The following CLCA1 variants were observed in gnomAD, a reference collection of about 807,000 sequenced individuals.
CLCA1 encodes calcium-activated chloride channel regulator 1.
CLCA1 carries 59 observed loss-of-function variants against 85.6 expected under a neutral mutation model. The observed-to-expected ratio is 0.69, with a 90% CI of 0.56 to 0.86. The LOEUF is 0.86. CLCA1 is among the 40% of genes least tolerant of loss of function. CLCA1 has a pLI of 0.00. For synonymous variants in CLCA1, 396 were observed against 398.3 expected (o/e 0.99, Z 0.07); for missense variants, 1,022 against 1,101.4 (o/e 0.93, Z 1.02).
In CLCA1 at chr1:86,495,657, C is replaced by T. The variant is rs1570291654; in HGVS notation, c.2095C>T (p.Pro699Ser). 6.2e-6 allele frequency: 10 copies of T among 1,609,614 alleles called. No individual in the cohort carries two copies. The highest frequency in any genetic ancestry group is 1.7e-4 in the Middle Eastern group (1 of 6,042). Residue 699 changes from proline (P) to serine (S), a missense_variant, in exon 12 of 14, where the codon CCT becomes TCT. Physicochemically the swap from Pro to Ser is moderately conservative, Grantham distance 74. Transcript: ENST00000394711. Reference protein sequence around the residue: ...IPQQSGALYIPGWIENDEIQW... With the variant: ...IPQQSGALYISGWIENDEIQW... Reference sequence around the variant, plus strand: ...CCAGCAGAGTGGAGCACTGTACATACCTGGCTGGATTGAGAATGGTAAGTA... The same window carrying T: ...CCAGCAGAGTGGAGCACTGTACATATCTGGCTGGATTGAGAATGGTAAGTA...
intron 3 of CLCA1, 77 bp downstream of exon 3, chr1:86,473,953 T>C (rs1647570443): frequency 1.8e-6 from 2 of 1,096,834 alleles, no homozygotes; most frequent in African/African-American, 3.1e-5. Flanking sequence ...AGCATTATCT[T>C]TGTGAGTAAG....
chr1:86,480,853 T>C (rs923665964), intron 4 of CLCA1, among the ~76,000 whole-genome samples: 1 of 152,168 alleles, frequency 6.6e-6, no homozygotes, highest in African/African-American at 2.4e-5. Flanking sequence ...AAAAAAGTCT[T>C]GATCCTGTGA....
At chr1:86,473,598 T>G (rs1369590426) in intron 2 of CLCA1, 41 bp downstream of exon 2, 1 of 1,527,550 alleles carries the variant, frequency 6.5e-7, no homozygotes, top group African/African-American at 1.4e-5. Context: ...CACTTTCTCC[T>G]GTAACCAAGA....
chr1:86,475,584 C>T (rs966539012), intron 3 of CLCA1, among the ~76,000 whole-genome samples: 2 of 152,066 alleles, frequency 1.3e-5, no homozygotes, highest in Non-Finnish European at 2.9e-5. Context: ...GAAATGCAAA[C>T]GCGGAGTACT....
At chr1:86,495,825 T>G (rs1443532027) in intron 12 of CLCA1, 150 bp downstream of exon 12, 2 of 701,000 alleles carry the variant, frequency 2.9e-6, no homozygotes, top group East Asian at 5.5e-5. Context: ...AATCCTTTGT[T>G]GTGGAGGGCT....
chr1:86,480,448 C>A lies in CLCA1; in HGVS notation c.558-1757C>A, dbSNP rs532031299. 1.3e-3 allele frequency among the ~76,000 whole-genome samples: 193 copies of A among 151,850 alleles called. 2 individuals carry two copies. Reference sequence around the variant, plus strand: ...GACCAGCCTGGGCAACATGGTGAAACCCCTTCTCTACAAAAAATACAAAAA... The same window carrying A: ...GACCAGCCTGGGCAACATGGTGAAAACCCTTCTCTACAAAAAATACAAAAA... On this transcript the variant is annotated intron_variant, in intron 4 of 13. Transcript: ENST00000394711.
chr1:86,479,899 C>G (rs4656116), intron 4 of CLCA1, among the ~76,000 whole-genome samples: 32,440 of 151,900 alleles, frequency 0.21, 3,710 homozygotes, highest in East Asian at 0.4. Context: ...AACAAACAAA[C>G]AAACAAACAA....
intron 1 of CLCA1, among the ~76,000 whole-genome samples, chr1:86,471,468 A>T (rs1313490385): frequency 2.6e-5 from 4 of 152,204 alleles, no homozygotes; most frequent in Non-Finnish European, 5.9e-5. Flanking sequence ...AAAATCTGAA[A>T]CAGATGCCAA....
At position 86,486,501 on chromosome 1, in the gene CLCA1, GT is replaced by G. The variant is rs770839982; in HGVS notation, c.955-20del. On this transcript the variant is annotated intron_variant, in intron 6 of 13. Transcript: ENST00000394711. ...TAGTCTTTCCATCTAAACGTAACCT[GT>G]TTTTCTTTTGCTTCTCCATTTAGAC... 9.3e-6 allele frequency: 15 copies of G among 1,608,398 alleles called. No individual in the cohort carries two copies. The South Asian group carries it at 1.5e-4, about 17-fold the overall frequency.
In CLCA1 at chr1:86,469,116, C is replaced by A. The variant is rs2101724512; in HGVS notation, c.145C>A (p.Leu49Ile). ...IDPNVPEDET[L>I]IQQIKDMVTQ... is the part of the protein sequence containing the mutation. Reference sequence around the variant, plus strand: ...CCCCAATGTGCCAGAAGATGAAACACTCATTCAACAAATAAAGGTAAGTTC... The same window carrying A: ...CCCCAATGTGCCAGAAGATGAAACAATCATTCAACAAATAAAGGTAAGTTC... Residue 49 changes from leucine to isoleucine, a missense_variant, in exon 1 of 14, where the codon CTC becomes ATC. Transcript: ENST00000394711. 6.2e-7 allele frequency: 1 copy of A among 1,604,922 alleles called. No individual in the cohort carries two copies. Among genetic ancestry groups the A allele is most frequent in the East Asian group, 2.2e-5 (1 of 44,660 alleles).
intron 3 of CLCA1, among the ~76,000 whole-genome samples, chr1:86,475,176 A>G (rs1647609389): frequency 6.6e-6 from 1 of 152,202 alleles, no homozygotes; most frequent in Non-Finnish European, 1.5e-5. Flanking sequence ...TCATGATCAT[A>G]TATAAAACCA....
At chr1:86,494,587 A>C in intron 11 of CLCA1, 139 bp downstream of exon 11, 1 of 841,452 alleles carries the variant, frequency 1.2e-6, no homozygotes, top group Non-Finnish European at 1.8e-6. Flanking sequence ...AGAGTTCTCC[A>C]TTTCCCCACA....
chr1:86,471,738 T>C (rs1166735145), intron 1 of CLCA1, among the ~76,000 whole-genome samples: 4 of 152,106 alleles, frequency 2.6e-5, no homozygotes, highest in Admixed American at 6.6e-5. Flanking sequence ...AAGGAGAAAA[T>C]GTAAATCATT....
intron 1 of CLCA1, 77 bp downstream of exon 1, chr1:86,469,210 C>T: frequency 1.0e-6 from 1 of 992,916 alleles, no homozygotes; most frequent in Non-Finnish European, 1.5e-6. Flanking sequence ...GTGCCCTATT[C>T]CAGCTGCACG....
rs1648350853 is a variant in CLCA1 at position 86,498,187 on chromosome 1, GAT to G, written c.2114-384_2114-383del. 7.8e-5 allele frequency among the ~76,000 whole-genome samples: 6 copies of G among 76,688 alleles called. No homozygotes were observed. The South Asian group carries it at 1.2e-3, about 15-fold the overall frequency. The allele number at this position is 76,688 out of a possible 152,430, so 50.3% of individuals were successfully genotyped here. A position where few individuals can be genotyped will look rare whatever the true frequency, so the allele number is the denominator to read the frequency against. ...GGAAGGAAGGAAGGAAGGAAGGAAG[GAT>G]GGAAGGAAGGAAGGAAGGAAAAAAC... is the stretch of plus-strand genomic sequence containing the variant. On this transcript the variant is annotated intron_variant, in intron 12 of 13. Coordinates refer to ENST00000394711, the MANE Select transcript of CLCA1 (RefSeq NM_001285.4).
At chr1:86,489,248 G>A (rs1225934938) in intron 8 of CLCA1, 78 bp downstream of exon 8, 1 of 1,365,486 alleles carries the variant, frequency 7.3e-7, no homozygotes, top group East Asian at 2.4e-5. Flanking sequence ...GGGAGTGGGG[G>A]AAAGATGGGA....
At chr1:86,475,661 A>C (rs1016790953) in intron 3 of CLCA1, among the ~76,000 whole-genome samples, 1 of 152,198 alleles carries the variant, frequency 6.6e-6, no homozygotes, top group African/African-American at 2.4e-5. Flanking sequence ...AAAGAAGAAT[A>C]AGAGTTATCC....
rs1361815864 is a variant in CLCA1, at chr1:86,498,476, G to C, written c.2114-96G>C. On this transcript the variant is annotated intron_variant, in intron 12 of 13. Transcript: ENST00000394711. ...TGTGTGGAAGGAAAGAAGCAGAAGTGGGGAACAGGAAGAGGGTGATCTGAT... is the reference window on the plus strand; with the variant it reads ...TGTGTGGAAGGAAAGAAGCAGAAGTCGGGAACAGGAAGAGGGTGATCTGAT... 21 of 1,220,494 alleles carry C rather than the reference G, an allele frequency of 1.7e-5. No individual in the cohort carries two copies. The East Asian group carries it at 4.7e-4, about 27-fold the overall frequency. 75.6% of individuals were successfully genotyped at this position (1,220,494 alleles called of 1,614,324 possible).
At chr1:86,470,390 T>C (rs1339942333) in intron 1 of CLCA1, among the ~76,000 whole-genome samples, 1 of 152,192 alleles carries the variant, frequency 6.6e-6, no homozygotes, top group Non-Finnish European at 1.5e-5. Context: ...TTTTTGATTG[T>C]TTCTAAATTT....
Sources: gnomAD v4.1 joint callset for allele counts (sites outside exome capture counted in the v4.1 genomes callset) on GRCh38, gnomAD v4.1.1 for gene constraint, MANE v1.5 for transcripts, NCBI Gene and HGNC (gene_info 2026-07-23, HGNC 2026-07-21) for gene names.